The following GPR107 variants were observed in gnomAD, a reference collection of about 807,000 sequenced individuals.
GPR107 encodes the protein G protein-coupled receptor 107, also known as protein GPR107.
In GPR107, 31 loss-of-function variants were observed where a neutral mutation model predicts 75.5. That is an observed-to-expected ratio of 0.41 (90% confidence interval 0.31 to 0.55). The LOEUF is 0.55. Among genes scored for constraint, GPR107 ranks in the 20% least tolerant of loss-of-function variants. The pLI, the probability that GPR107 is intolerant of heterozygous loss-of-function variation, is 0.26. For synonymous variants in GPR107, 267 were observed against 251.3 expected (o/e 1.06, Z -0.59); for missense variants, 572 against 665.7 (o/e 0.86, Z 1.55).
rs996476642 is a variant in GPR107 at position 130,076,849 on chromosome 9, C to A, written c.306+387C>A. Among the ~76,000 whole-genome samples the A allele has an allele frequency of 4.0e-5, 6 of 151,730 alleles. No homozygotes were observed. In the South Asian group the frequency reaches 8.3e-4, roughly 21 times the overall value. ...CTTGAGGTAGTGGCTGCTTTGACTT[C>A]CAAGCATTTTTGAGAACCCACAGTT... On this transcript the variant is annotated intron_variant, in intron 3 of 17. Coordinates refer to ENST00000347136, the MANE Select transcript of GPR107 (RefSeq NM_020960.5).
At chr9:130,114,542 C>T in intron 14 of GPR107, 1 of 432,250 alleles carries the variant, frequency 2.3e-6, no homozygotes, top group South Asian at 1.6e-5. Context: ...ACTACCATGC[C>T]TCACTAATTT....
At position 130,075,886 on chromosome 9, in the gene GPR107, A is replaced by G. The variant is rs182555234; in HGVS notation, c.255+137A>G. The stretch of plus-strand genomic sequence containing the variant: ...CAACCTCCACCTCCCGGGTTCAAGC[A>G]GTTCTCTGCCTCAGCCTCCCGAGTA... On this transcript the variant is annotated intron_variant, in intron 2 of 17. Transcript: ENST00000347136. 872 of 537,612 alleles carry G rather than the reference A, an allele frequency of 1.6e-3. 3 individuals carry two copies. Among genetic ancestry groups the G allele is most frequent in the East Asian group, 8.9e-3 (275 of 30,984 alleles). The allele number at this position is 537,612 out of a possible 1,614,324, so 33.3% of individuals were successfully genotyped here.
chr9:130,089,076 A>G (rs576111865), intron 7 of GPR107, among the ~76,000 whole-genome samples: 1 of 152,190 alleles, frequency 6.6e-6, no homozygotes, highest in South Asian at 2.1e-4. Context: ...AAGCTGAGAC[A>G]GGAGAATTGC....
At chr9:130,067,340 CT>C (rs1434351926) in intron 1 of GPR107, among the ~76,000 whole-genome samples, 2 of 152,090 alleles carry the variant, frequency 1.3e-5, no homozygotes, top group African/African-American at 4.8e-5. Context: ...ATATTTGATG[CT>C]TTTTATTCGA....
At chr9:130,093,339 C>T (rs772848153) in intron 9 of GPR107, among the ~76,000 whole-genome samples, 1 of 152,000 alleles carries the variant, frequency 6.6e-6, no homozygotes, top group Non-Finnish European at 1.5e-5. Flanking sequence ...TTTAGAGAAT[C>T]GTGTAAAGTA....
chr9:130,100,346 T>G (rs989468314), intron 10 of GPR107, among the ~76,000 whole-genome samples: 1 of 152,252 alleles, frequency 6.6e-6, no homozygotes, highest in Admixed American at 6.5e-5. Flanking sequence ...TTGGAACTTA[T>G]GCAAATTAAA....
chr9:130,090,921 C>G lies in GPR107; in HGVS notation c.667C>G (p.Leu223Val). ...STDDQEGLYS[L>V]YFHKCLGKEL... is the part of the protein sequence containing the mutation. ...TGATGACCAAGAAGGCCTTTACAGT[C>G]TTTATTTTCATAAATGCCTTGGAAA... The change falls in exon 8 of 18, where the codon CTT (leucine) becomes GTT (valine). Residue 223 changes from leucine to valine, a missense_variant. Physicochemically the swap from Leu to Val is conservative, Grantham distance 32. Transcript: ENST00000347136. 2 of 1,560,646 alleles carry G rather than the reference C, an allele frequency of 1.3e-6. No individual in the cohort carries two copies. The highest frequency in any genetic ancestry group is 1.8e-6 in the Non-Finnish European group (2 of 1,131,952).
At chr9:130,080,586 G>A (rs1025324922) in intron 5 of GPR107, among the ~76,000 whole-genome samples, 7 of 151,892 alleles carry the variant, frequency 4.6e-5, no homozygotes, top group Admixed American at 3.9e-4. Flanking sequence ...CCGCCTCCCG[G>A]GTTCACGCCA....
In GPR107 at chr9:130,092,759, G is replaced by A. The variant is rs537511614; in HGVS notation, c.863+378G>A. ...GCCTCCCAAGTAGCTGGGACTACAG[G>A]CGCCCGCCACCACGCCCGCCTAATT... On this transcript the variant is annotated intron_variant, in intron 9 of 17. Coordinates refer to ENST00000347136, the MANE Select transcript of GPR107 (RefSeq NM_020960.5). 2.9e-3 allele frequency among the ~76,000 whole-genome samples: 436 copies of A among 152,134 alleles called. 6 individuals are homozygous for A. Among genetic ancestry groups the A allele is most frequent in the African/African-American group, 0.01 (418 of 41,510 alleles).
chr9:130,127,857 C>A (rs1168905866), intron 16 of GPR107, among the ~76,000 whole-genome samples: 3 of 152,208 alleles, frequency 2.0e-5, no homozygotes, highest in African/African-American at 4.8e-5. Context: ...GATGCACCAC[C>A]ATGCCCAGTT....
chr9:130,133,071 G>A (rs1382578259), intron 17 of GPR107: 5 of 152,182 alleles, frequency 3.3e-5, no homozygotes, highest in South Asian at 4.2e-4. Flanking sequence ...CACCGAACCC[G>A]GTTCCCAGCA....
At chr9:130,069,761 C>T (rs893506281) in intron 1 of GPR107, among the ~76,000 whole-genome samples, 18 of 151,576 alleles carry the variant, frequency 1.2e-4, no homozygotes, top group Non-Finnish European at 2.1e-4. Flanking sequence ...TCTCAGCTCA[C>T]TGAAAACTCT....
chr9:130,085,652 T>C (rs1456070811), intron 6 of GPR107, among the ~76,000 whole-genome samples: 1 of 152,074 alleles, frequency 6.6e-6, no homozygotes, highest in African/African-American at 2.4e-5. Flanking sequence ...CAGCACTCTT[T>C]TCTGTCTTAT....
intron 14 of GPR107, among the ~76,000 whole-genome samples, chr9:130,122,365 C>T (rs537678648): frequency 1.4e-4 from 22 of 152,222 alleles, no homozygotes; most frequent in Middle Eastern, 3.4e-3. Context: ...TTTCATTGTC[C>T]CCTGCCGATG....
At chr9:130,115,120 G>C (rs945343894) in intron 14 of GPR107, among the ~76,000 whole-genome samples, 10 of 151,628 alleles carry the variant, frequency 6.6e-5, no homozygotes, top group Admixed American at 6.5e-5. Context: ...TGCTTTCCTT[G>C]ATTGGTGGTT....
chr9:130,092,162 T>C, intron 8 of GPR107, 86 bp from the exon 9 acceptor site: 1 of 1,193,452 alleles, frequency 8.4e-7, no homozygotes, highest in Non-Finnish European at 1.2e-6. Context: ...TTTCTTAAGC[T>C]TAAGTGAAAC....
intron 1 of GPR107, among the ~76,000 whole-genome samples, chr9:130,069,195 A>G (rs913943452): frequency 2.0e-5 from 3 of 152,154 alleles, no homozygotes; most frequent in African/African-American, 7.2e-5. Flanking sequence ...TCATCTACCA[A>G]ATGGACATGT....
rs1268047623 is a variant in GPR107, at chr9:130,136,982, A to T, written c.*1861A>T. The T allele has an allele frequency of 6.6e-6, 1 of 152,092 alleles. No individual in the cohort carries two copies. The highest frequency in any genetic ancestry group is 2.4e-5 in the African/African-American group (1 of 41,394). 9.4% of individuals were successfully genotyped at this position (152,092 alleles called of 1,614,324 possible). ...GTGACAGAAGGGAGTTGGAGGGAGGATGGGAATATTTTTAACACTTTGTTT... is the reference window on the plus strand; with the variant it reads ...GTGACAGAAGGGAGTTGGAGGGAGGTTGGGAATATTTTTAACACTTTGTTT... On this transcript the variant is annotated 3_prime_UTR_variant, in exon 18 of 18. Coordinates refer to ENST00000347136, the MANE Select transcript of GPR107 (RefSeq NM_020960.5).
chr9:130,085,763 T>TTTTTTTTTTTTTTTTTTC (rs1830600594), intron 6 of GPR107, among the ~76,000 whole-genome samples: 2 of 139,232 alleles, frequency 1.4e-5, no homozygotes, highest in South Asian at 4.8e-4. Flanking sequence ...GATTTTTTTT[T>TTTTTTTTTTTTTTTTTTC]TTTTTTTTGC....
Sources: gnomAD v4.1 joint callset for allele counts (sites outside exome capture counted in the v4.1 genomes callset) on GRCh38, gnomAD v4.1.1 for gene constraint, MANE v1.5 for transcripts, NCBI Gene and HGNC (gene_info 2026-07-23, HGNC 2026-07-21) for gene names.